The following MCF2 variants were observed in gnomAD, a reference collection of about 807,000 sequenced individuals.
MCF2 encodes the protein MCF.2 cell line derived transforming sequence.
In MCF2, 44 loss-of-function variants were observed where a neutral mutation model predicts 82.5. The observed-to-expected ratio is 0.53, with a 90% CI of 0.42 to 0.69. MCF2 has a LOEUF of 0.69. Among genes scored for constraint, MCF2 ranks in the 30% least tolerant of loss-of-function variants. The pLI, the probability that MCF2 is intolerant of heterozygous loss-of-function variation, is 0.00. For synonymous variants in MCF2, 217 were observed against 224.9 expected (o/e 0.96, Z 0.32); for missense variants, 623 against 663.1 (o/e 0.94, Z 0.66).
rs1603294553 is a variant in MCF2 at position 139,631,607 on chromosome X, T to A, written c.172-96A>T. The A allele has an allele frequency of 5.8e-6, 3 of 520,927 alleles. No homozygotes were observed. The East Asian group carries it at 1.0e-4, about 18-fold the overall frequency. The allele number at this position is 520,927 out of a possible 1,213,427, so 42.9% of individuals were successfully genotyped here. ...ACTTTGGCATACATTTAGCAGAAAG[T>A]TACCTCTGATAAATGGTTTTAACAG... On this transcript the variant is annotated intron_variant, in intron 2 of 24. Transcript: ENST00000370576.
chrX:139,696,332 T>TC (rs1935380400), intron 1 of MCF2, among the ~76,000 whole-genome samples: 1 of 56,587 alleles, frequency 1.8e-5, no homozygotes, highest in African/African-American at 7.0e-5. Context: ...CTTCCTTCCT[T>TC]CTTTCTCTTC....
intron 6 of MCF2, among the ~76,000 whole-genome samples, chrX:139,619,997 T>TTGTGTGTG (rs57662065): frequency 1.2e-3 from 111 of 93,408 alleles, no homozygotes; most frequent in Non-Finnish European, 2.0e-3. Flanking sequence ...ATATATACAT[T>TTGTGTGTG]TGTGTGTGTG....
At chrX:139,656,437 T>G (rs1934203987) in intron 1 of MCF2, among the ~76,000 whole-genome samples, 1 of 112,646 alleles carries the variant, frequency 8.9e-6, no homozygotes, top group Non-Finnish European at 1.9e-5. Flanking sequence ...AAAAACAGAC[T>G]GATGTTTTCT....
In MCF2 at chrX:139,619,576, T is replaced by C. The variant is rs1932180465; in HGVS notation, c.807+11A>G. The stretch of plus-strand genomic sequence containing the variant: ...TGTATAATATAGCAGACATCTAAAA[T>C]ACAATCTTACCTGAGAATTTTCATC... On this transcript the variant is annotated intron_variant, in intron 7 of 24. Coordinates refer to ENST00000370576, the Ensembl canonical transcript of MCF2. 4 of 1,130,768 alleles carry C rather than the reference T, an allele frequency of 3.5e-6. No homozygotes were observed. In the African/African-American group the frequency reaches 5.5e-5, roughly 15 times the overall value. The allele number at this position is 1,130,768 out of a possible 1,213,427, so 93.2% of individuals were successfully genotyped here.
At chrX:139,654,639 T>C (rs1380359096) in intron 1 of MCF2, among the ~76,000 whole-genome samples, 2 of 112,075 alleles carry the variant, frequency 1.8e-5, no homozygotes, top group Non-Finnish European at 3.8e-5. Context: ...CAGAAGCTTT[T>C]TAGCTTGATG....
chrX:139,622,501 G>C (rs1368453736), intron 6 of MCF2, among the ~76,000 whole-genome samples: 2 of 111,633 alleles, frequency 1.8e-5, no homozygotes, highest in East Asian at 2.8e-4. Flanking sequence ...CAACGATAGA[G>C]TGGATTAAGA....
intron 1 of MCF2, among the ~76,000 whole-genome samples, chrX:139,675,872 C>T (rs1333065217): frequency 8.9e-6 from 1 of 112,626 alleles, no homozygotes; most frequent in African/African-American, 3.2e-5. Flanking sequence ...CAGACAGGGA[C>T]GTTTAAGTCT....
chrX:139,603,733 G>T (rs1930749084), intron 15 of MCF2, among the ~76,000 whole-genome samples: 1 of 111,141 alleles, frequency 9.0e-6, no homozygotes, highest in Admixed American at 9.6e-5. Flanking sequence ...TACTCGGGAG[G>T]CTGAGGCAGG....
intron 1 of MCF2, among the ~76,000 whole-genome samples, chrX:139,666,335 T>G (rs1934519338): frequency 9.1e-6 from 1 of 110,027 alleles, no homozygotes; most frequent in African/African-American, 3.3e-5. Flanking sequence ...TAAATGTATG[T>G]CCAGTAAATG....
At chrX:139,646,291 A>G (rs1933798770), upstream of MCF2, among the ~76,000 whole-genome samples, 1 of 81,464 alleles carries the variant, frequency 1.2e-5, no homozygotes, top group Non-Finnish European at 2.3e-5. Flanking sequence ...TTTTGTCTTT[A>G]ACACACATAA....
At chrX:139,692,056 T>C (rs1044545928) in intron 1 of MCF2, 12 of 1,164,566 alleles carry the variant, frequency 1.0e-5, no homozygotes, top group Non-Finnish European at 1.4e-5. Context: ...CCATCTGGGT[T>C]CTGGGGCAGG....
intron 1 of MCF2, among the ~76,000 whole-genome samples, chrX:139,684,359 C>A (rs1215853361): frequency 8.9e-6 from 1 of 111,934 alleles, no homozygotes; most frequent in Non-Finnish European, 1.9e-5. Flanking sequence ...GAAATTATAA[C>A]CCTCATATGT....
chrX:139,689,652 C>CTTTTTTTTTTTTTTT (rs1569402929), intron 1 of MCF2, among the ~76,000 whole-genome samples: 46 of 108,553 alleles, frequency 4.2e-4, no homozygotes, highest in African/African-American at 1.5e-3. Context: ...CTTTGCATAT[C>CTTTTTTTTTTTTTTT]TTATTTCCTT....
chrX:139,587,165 A>G (rs980412119), intron 22 of MCF2, among the ~76,000 whole-genome samples: 50 of 111,308 alleles, frequency 4.5e-4, no homozygotes, highest in African/African-American at 1.5e-3. Context: ...TTCTGTATAT[A>G]TGCAAATGTT....
chrX:139,612,042 G>C (rs1380453172), intron 10 of MCF2, among the ~76,000 whole-genome samples: 1 of 110,340 alleles, frequency 9.1e-6, no homozygotes, highest in Admixed American at 9.8e-5. Flanking sequence ...CCAGGATGAT[G>C]TTAGCTCGGA....
chrX:139,620,333 G>C (rs1271152711), intron 6 of MCF2, among the ~76,000 whole-genome samples: 3 of 110,687 alleles, frequency 2.7e-5, no homozygotes, highest in Non-Finnish European at 5.7e-5. Context: ...ATGTCACAAG[G>C]ACACAGCAGC....
chrX:139,661,164 A>C (rs1175170211), intron 1 of MCF2, among the ~76,000 whole-genome samples: 2 of 111,853 alleles, frequency 1.8e-5, no homozygotes, highest in African/African-American at 6.5e-5. Flanking sequence ...TGTCATCCCA[A>C]GTGAAAGAAA....
chrX:139,582,376 A>C (rs1928545792), exon 25 of MCF2: 2 of 928,221 alleles, frequency 2.2e-6, no homozygotes, highest in East Asian at 6.2e-5. Flanking sequence ...CAACATCTGC[A>C]TCATTTGAGC....
At chrX:139,659,312 TA>T (rs963563193) in intron 1 of MCF2, among the ~76,000 whole-genome samples, 72 of 106,841 alleles carry the variant, frequency 6.7e-4, no homozygotes, top group South Asian at 2.8e-3. Context: ...ATTTAAAAAT[TA>T]AAAAAAAAAC....
Sources: allele counts gnomAD v4.1 joint callset (sites outside exome capture counted in the v4.1 genomes callset), GRCh38; gene constraint gnomAD v4.1.1; transcripts MANE v1.5; gene names NCBI Gene and HGNC (gene_info 2026-07-23, HGNC 2026-07-21).